The following FAM185A variants were observed in gnomAD, a reference collection of about 807,000 sequenced individuals.
FAM185A encodes family with sequence similarity 185 member A.
In FAM185A, 21 loss-of-function variants were observed where a neutral mutation model predicts 45.7. That is an observed-to-expected ratio of 0.46 (90% CI 0.33 to 0.66). FAM185A has a LOEUF of 0.66. Ranked by LOEUF, FAM185A falls within the 30% of genes least tolerant of loss-of-function variation. The pLI is 0.03. For synonymous variants in FAM185A, 117 were observed against 194.0 expected, an observed-to-expected ratio of 0.60 and a Z score of 3.30; for missense variants, 305 against 485.4, an observed-to-expected ratio of 0.63 and a Z score of 3.49.
intron 7 of FAM185A, among the ~76,000 whole-genome samples, chr7:102,806,960 G>A (rs538646986): frequency 1.3e-5 from 2 of 152,248 alleles, no homozygotes; most frequent in African/African-American, 4.8e-5. Flanking sequence ...GGATTGCGGA[G>A]GGTGCCATGA....
chr7:102,823,798 A>G, the FAM185A span, among the ~76,000 whole-genome samples: 1 of 152,220 alleles, frequency 6.6e-6, no homozygotes, highest in Non-Finnish European at 1.5e-5. Flanking sequence ...ACACTTTTTA[A>G]GTTTGGAAAA....
At chr7:102,788,801 A>C (rs1795978461) in intron 7 of FAM185A, among the ~76,000 whole-genome samples, 1 of 152,200 alleles carries the variant, frequency 6.6e-6, no homozygotes, top group Admixed American at 6.5e-5. Context: ...TATTATTCCT[A>C]GGCTACACCC....
At chr7:102,829,263 G>C in the FAM185A span, among the ~76,000 whole-genome samples, 1 of 152,164 alleles carries the variant, frequency 6.6e-6, no homozygotes. Context: ...CTGCCTATCT[G>C]TAAGTAATCT....
intron 4 of FAM185A, among the ~76,000 whole-genome samples, chr7:102,766,977 G>GT (rs1180577384): frequency 6.6e-6 from 1 of 151,738 alleles, no homozygotes; most frequent in African/African-American, 2.4e-5. Context: ...ATATTTTTTA[G>GT]TACAGACAGG....
chr7:102,789,212 G>A (rs1199846946), intron 7 of FAM185A, among the ~76,000 whole-genome samples: 1 of 151,988 alleles, frequency 6.6e-6, no homozygotes, highest in East Asian at 1.9e-4. Flanking sequence ...TCAAACTCTG[G>A]GCTCAAGTGA....
intron 7 of FAM185A, among the ~76,000 whole-genome samples, chr7:102,788,301 A>C (rs1179884250): frequency 6.6e-6 from 1 of 152,190 alleles, no homozygotes; most frequent in Non-Finnish European, 1.5e-5. Flanking sequence ...AAAAAAATTA[A>C]TGCTGGTGAA....
At chr7:102,814,721 T>G in the FAM185A span, among the ~76,000 whole-genome samples, 1 of 152,236 alleles carries the variant, frequency 6.6e-6, no homozygotes, top group South Asian at 2.1e-4. Context: ...GACTAAAACT[T>G]GGCAAACAAG....
chr7:102,775,978 T>C (rs1220580924), intron 5 of FAM185A, among the ~76,000 whole-genome samples: 2 of 152,138 alleles, frequency 1.3e-5, no homozygotes, highest in Non-Finnish European at 2.9e-5. Context: ...TTTTCCAGTA[T>C]AGATTGGAAA....
chr7:102,788,021 G>C (rs1795921783), intron 7 of FAM185A, among the ~76,000 whole-genome samples: 1 of 152,154 alleles, frequency 6.6e-6, no homozygotes, highest in Admixed American at 6.5e-5. Context: ...CTGGAGTGCA[G>C]TGGCGTGATC....
rs1051941617 is a variant in FAM185A at position 102,761,345 on chromosome 7, T to C, written c.727T>C (p.Tyr243His). ...STEDGLLKAKYLYTESSFLSS... is the reference protein window; with the variant it reads ...STEDGLLKAKHLYTESSFLSS... ...CGAAGATGGTTTGCTGAAAGCCAAG[T>C]ATCTTTATACAGAATCATCATTTCT... Residue 243 changes from tyrosine (Y) to histidine (H), a missense_variant, in exon 4 of 8, where the codon TAT becomes CAT. Coordinates refer to ENST00000413034, the MANE Select transcript of FAM185A (RefSeq NM_001145268.2). 2 of 1,547,140 alleles carry C rather than the reference T, an allele frequency of 1.3e-6. No individual in the cohort carries two copies. The highest frequency in any genetic ancestry group is 1.4e-5 in the African/African-American group (1 of 72,676).
intron 7 of FAM185A, among the ~76,000 whole-genome samples, chr7:102,790,729 C>G (rs1337782053): frequency 6.6e-6 from 1 of 152,166 alleles, no homozygotes; most frequent in Admixed American, 6.5e-5. Context: ...ACATGCAGAC[C>G]TGATCTCTAT....
At position 102,803,939 on chromosome 7, in the gene FAM185A, C is replaced by CA. The variant is rs896380094; in HGVS notation, c.1067-4342dup. On this transcript the variant is annotated intron_variant, in intron 7 of 7. Transcript: ENST00000413034. ...AACTCAACCCCTTTTACAATAGCTG[C>CA]AAAAAAAAATGAAGTACTTAGGAAT... Among the ~76,000 whole-genome samples the CA allele has an allele frequency of 1.7e-4, 26 of 149,096 alleles. No homozygotes were observed. In the South Asian group the frequency reaches 2.5e-3, roughly 15 times the overall value.
the FAM185A span, chr7:102,832,790 C>A: frequency 6.2e-7 from 1 of 1,610,020 alleles, no homozygotes; most frequent in South Asian, 1.1e-5. Flanking sequence ...TGCCTTGTCC[C>A]TTGGCAGTGC....
intron 7 of FAM185A, among the ~76,000 whole-genome samples, chr7:102,789,271 C>T (rs1467764137): frequency 2.6e-5 from 4 of 152,250 alleles, no homozygotes; most frequent in South Asian, 4.1e-4. Context: ...TGTGTACTAC[C>T]GTTCTCAGCT....
intron 7 of FAM185A, among the ~76,000 whole-genome samples, chr7:102,790,994 A>C (rs1796107145): frequency 6.6e-6 from 1 of 152,166 alleles, no homozygotes; most frequent in Non-Finnish European, 1.5e-5. Context: ...AATACAGTAC[A>C]GTGGGATCAA....
the FAM185A span, among the ~76,000 whole-genome samples, chr7:102,847,065 T>C: frequency 1.3e-5 from 2 of 152,240 alleles, no homozygotes; most frequent in Non-Finnish European, 2.9e-5. Flanking sequence ...TAAAGTTTTA[T>C]TGGAATACAG....
At chr7:102,790,752 T>C (rs1796092446) in intron 7 of FAM185A, among the ~76,000 whole-genome samples, 1 of 152,250 alleles carries the variant, frequency 6.6e-6, no homozygotes, top group Non-Finnish European at 1.5e-5. Flanking sequence ...TTCTTGTGCA[T>C]TTCTATTCCA....
At chr7:102,829,031 G>C in the FAM185A span, among the ~76,000 whole-genome samples, 1 of 152,158 alleles carries the variant, frequency 6.6e-6, no homozygotes, top group Non-Finnish European at 1.5e-5. Flanking sequence ...GAACAGCCAG[G>C]CTCTGTTCCA....
intron 5 of FAM185A, among the ~76,000 whole-genome samples, chr7:102,773,834 G>A (rs1338441278): frequency 6.6e-6 from 1 of 152,076 alleles, no homozygotes; most frequent in African/African-American, 2.4e-5. Context: ...GTGGCTCAAT[G>A]TCTGATCTCT....
Sources: allele counts gnomAD v4.1 joint callset (sites outside exome capture counted in the v4.1 genomes callset), GRCh38; gene constraint gnomAD v4.1.1; transcripts MANE v1.5; gene names NCBI Gene and HGNC (gene_info 2026-07-23, HGNC 2026-07-21).